RIT2: variants seen among roughly 807,000 people sequenced by gnomAD.
The protein encoded by RIT2 is GTP-binding protein Rit2.
A neutral mutation model predicts 23.7 loss-of-function variants in RIT2; 24 were observed. The observed-to-expected ratio is 1.01, with a 90% CI of 0.73 to 1.43. RIT2 has a LOEUF of 1.43. RIT2 is among the 40% of genes most tolerant of loss of function. The pLI is 0.00. For synonymous variants in RIT2, 107 were observed against 91.1 expected (o/e 1.17, Z -0.99); for missense variants, 236 against 266.9 (o/e 0.88, Z 0.81).
intron 4 of RIT2, among the ~76,000 whole-genome samples, chr18:42,838,634 C>A (rs1906681842): frequency 6.6e-6 from 1 of 152,126 alleles, no homozygotes; most frequent in Admixed American, 6.5e-5. Flanking sequence ...TACAAAGCAT[C>A]AAAACAGCTT....
chr18:43,112,463 T>TA (rs1212996575), intron 1 of RIT2, among the ~76,000 whole-genome samples: 59 of 152,366 alleles, frequency 3.9e-4, no homozygotes, highest in African/African-American at 1.3e-3. Flanking sequence ...CAGTAAACTT[T>TA]ATTGATTACT....
intron 2 of RIT2, among the ~76,000 whole-genome samples, chr18:43,019,039 C>T (rs1486268421): frequency 6.6e-6 from 1 of 151,942 alleles, no homozygotes; most frequent in East Asian, 1.9e-4. Flanking sequence ...TAAGTGCTCA[C>T]ATATCAAGAT....
intron 1 of RIT2, among the ~76,000 whole-genome samples, chr18:43,034,787 A>G (rs1911937909): frequency 6.6e-6 from 1 of 152,124 alleles, no homozygotes. Flanking sequence ...CTCCCCTGAT[A>G]TCTGATCCTC....
chr18:43,096,425 T>A (rs1022860125), intron 1 of RIT2, among the ~76,000 whole-genome samples: 3 of 151,870 alleles, frequency 2.0e-5, no homozygotes, highest in Non-Finnish European at 2.9e-5. Flanking sequence ...ACACCATGTG[T>A]ATAATATCAC....
intron 2 of RIT2, among the ~76,000 whole-genome samples, chr18:42,992,877 G>A (rs1324678560): frequency 6.6e-6 from 1 of 152,068 alleles, no homozygotes; most frequent in Non-Finnish European, 1.5e-5. Context: ...AGGTCAGAAG[G>A]CCGTTTTATT....
intron 1 of RIT2, among the ~76,000 whole-genome samples, chr18:43,073,786 A>T (rs1312214258): frequency 6.6e-6 from 1 of 152,186 alleles, no homozygotes; most frequent in Non-Finnish European, 1.5e-5. Flanking sequence ...ACCATAAAAC[A>T]TAAGAGTCCT....
chr18:42,864,411 A>G (rs1907413443), intron 4 of RIT2, among the ~76,000 whole-genome samples: 1 of 152,188 alleles, frequency 6.6e-6, no homozygotes, highest in Admixed American at 6.5e-5. Context: ...GTTATCATTA[A>G]TAGAGTAATT....
chr18:42,893,838 T>C (rs921363622), intron 4 of RIT2, among the ~76,000 whole-genome samples: 4 of 152,190 alleles, frequency 2.6e-5, no homozygotes, highest in African/African-American at 7.2e-5. Context: ...CATTACTCTT[T>C]GGTTATTTTT....
chr18:43,022,985 A>G (rs1315593763), intron 2 of RIT2, among the ~76,000 whole-genome samples: 1 of 152,080 alleles, frequency 6.6e-6, no homozygotes, highest in Non-Finnish European at 1.5e-5. Context: ...ATTTTGGAGT[A>G]CAGAACAAAG....
intron 2 of RIT2, among the ~76,000 whole-genome samples, chr18:43,019,629 T>C (rs1291231152): frequency 1.3e-5 from 2 of 151,894 alleles, no homozygotes; most frequent in African/African-American, 4.8e-5. Flanking sequence ...ACCAGAATAA[T>C]ACAAGGATGC....
At chr18:43,048,693 T>G (rs554669070) in intron 1 of RIT2, among the ~76,000 whole-genome samples, 4 of 152,176 alleles carry the variant, frequency 2.6e-5, no homozygotes, top group Non-Finnish European at 5.9e-5. Context: ...ATGATTTGTC[T>G]TTTTCAATGT....
At chr18:42,935,023 G>A (rs912722805) in intron 3 of RIT2, among the ~76,000 whole-genome samples, 1 of 151,718 alleles carries the variant, frequency 6.6e-6, no homozygotes, top group Non-Finnish European at 1.5e-5. Context: ...CTTGGGAATC[G>A]TCAAACACAG....
At chr18:42,940,236 CTATATATA>C (rs5824460) in intron 3 of RIT2, among the ~76,000 whole-genome samples, 4,343 of 86,970 alleles carry the variant, frequency 0.05, 341 homozygotes, top group African/African-American at 0.18. Flanking sequence ...GAAAGGCTCA[CTATATATA>C]TATATATATA....
intron 1 of RIT2, among the ~76,000 whole-genome samples, chr18:43,096,822 A>C (rs1913565538): frequency 6.6e-6 from 1 of 151,864 alleles, no homozygotes; most frequent in Non-Finnish European, 1.5e-5. Context: ...TAGGGAAATT[A>C]CTCAACATGA....
At chr18:42,993,281 C>T (rs1910898521) in intron 2 of RIT2, among the ~76,000 whole-genome samples, 1 of 152,196 alleles carries the variant, frequency 6.6e-6, no homozygotes, top group Admixed American at 6.5e-5. Flanking sequence ...CTCCCAGAGT[C>T]CCTGGAACTC....
intron 2 of RIT2, among the ~76,000 whole-genome samples, chr18:43,020,859 T>C (rs968934656): frequency 5.9e-5 from 9 of 152,062 alleles, no homozygotes; most frequent in Admixed American, 3.9e-4. Context: ...GCACAAAAAA[T>C]TTCAAAATGG....
intron 4 of RIT2, among the ~76,000 whole-genome samples, chr18:42,764,201 A>G (rs978147273): frequency 1.3e-5 from 2 of 152,238 alleles, no homozygotes; most frequent in African/African-American, 4.8e-5. Flanking sequence ...TCTGCAAAGC[A>G]GCATCGTGAT....
In RIT2 at chr18:43,056,392, G is replaced by T. The variant is rs534167376; in HGVS notation, c.104-22525C>A. Among the ~76,000 whole-genome samples, 6 of 152,156 alleles carry T rather than the reference G, an allele frequency of 3.9e-5. No individual in the cohort carries two copies. The South Asian group carries it at 1.2e-3, about 32-fold the overall frequency. The stretch of plus-strand genomic sequence containing the variant: ...TGAAAGTAATATTCCACCCAAGATT[G>T]TGCAGACACTGTCATCAAAACTAAT... On this transcript the variant is annotated intron_variant, in intron 1 of 4. Transcript: ENST00000326695.
At chr18:42,937,011 T>TAA (rs556983208) in intron 3 of RIT2, among the ~76,000 whole-genome samples, 4 of 134,262 alleles carry the variant, frequency 3.0e-5, no homozygotes, top group African/African-American at 2.7e-5. Context: ...AAACTCAACT[T>TAA]AAAAAAAAAA....
Sources: allele counts gnomAD v4.1 joint callset (sites outside exome capture counted in the v4.1 genomes callset), GRCh38; gene constraint gnomAD v4.1.1; transcripts MANE v1.5; gene names NCBI Gene and HGNC (gene_info 2026-07-23, HGNC 2026-07-21).